SGCZ: variants seen among roughly 807,000 people sequenced by gnomAD.
The protein encoded by SGCZ is zeta-sarcoglycan.
SGCZ carries 40 observed loss-of-function variants against 41.3 expected under a neutral mutation model. The observed-to-expected ratio is 0.97, with a 90% CI of 0.75 to 1.26. The LOEUF (loss-of-function observed/expected upper bound fraction) is 1.26, where lower values mean the gene tolerates loss of function less well. Among genes scored for constraint, SGCZ ranks in the 50% most tolerant of loss-of-function variants. The pLI is 0.00. For synonymous variants in SGCZ, 206 were observed against 137.5 expected (o/e 1.50, Z -3.49); for missense variants, 552 against 369.8 (o/e 1.49, Z -4.04).
chr8:14,918,572 T>C (rs1011560221), intron 1 of SGCZ, among the ~76,000 whole-genome samples: 2 of 152,198 alleles, frequency 1.3e-5, no homozygotes, highest in Non-Finnish European at 1.5e-5. Flanking sequence ...AAACAAATGA[T>C]AATGCAGTAG....
chr8:14,907,165 T>A (rs888032985), intron 1 of SGCZ, among the ~76,000 whole-genome samples: 4 of 152,160 alleles, frequency 2.6e-5, no homozygotes, highest in Non-Finnish European at 4.4e-5. Flanking sequence ...AGTCTACTAT[T>A]TTTTCAATGG....
chr8:14,935,384 T>C (rs561699861), intron 1 of SGCZ, among the ~76,000 whole-genome samples: 48 of 151,390 alleles, frequency 3.2e-4, no homozygotes, highest in Non-Finnish European at 6.5e-4. Flanking sequence ...TACCTAAATT[T>C]ATTTATCCAT....
intron 1 of SGCZ, among the ~76,000 whole-genome samples, chr8:14,994,618 A>C (rs979608256): frequency 6.6e-6 from 1 of 151,672 alleles, no homozygotes; most frequent in Non-Finnish European, 1.5e-5. Context: ...AAGGGTAACC[A>C]TGAGGGATGG....
At chr8:14,485,852 T>TTTTTTTTA (rs1801657703) in intron 2 of SGCZ, among the ~76,000 whole-genome samples, 15 of 133,808 alleles carry the variant, frequency 1.1e-4, no homozygotes, top group South Asian at 4.7e-4. Flanking sequence ...TTTTTTTTTT[T>TTTTTTTTA]GAGACGGAGT....
chr8:14,442,222 T>C (rs1045894035), intron 2 of SGCZ, among the ~76,000 whole-genome samples: 11 of 152,184 alleles, frequency 7.2e-5, no homozygotes, highest in Non-Finnish European at 2.9e-5. Context: ...AGGTACCTGG[T>C]GGCAGGTAAT....
At chr8:15,013,455 G>C (rs1345639503) in intron 1 of SGCZ, among the ~76,000 whole-genome samples, 2 of 152,300 alleles carry the variant, frequency 1.3e-5, no homozygotes, top group East Asian at 1.9e-4. Flanking sequence ...GCCACAAATA[G>C]TTCCTCAAAG....
At chr8:14,510,919 T>A (rs1160198591) in intron 2 of SGCZ, among the ~76,000 whole-genome samples, 1 of 152,104 alleles carries the variant, frequency 6.6e-6, no homozygotes, top group African/African-American at 2.4e-5. Flanking sequence ...GATAGTGGCC[T>A]TCTCCCAGTT....
intron 1 of SGCZ, among the ~76,000 whole-genome samples, chr8:14,654,649 GA>G (rs938803908): frequency 6.6e-6 from 1 of 151,974 alleles, no homozygotes; most frequent in Non-Finnish European, 1.5e-5. Flanking sequence ...TCGGCTCACT[GA>G]AACTACTGCT....
intron 1 of SGCZ, among the ~76,000 whole-genome samples, chr8:14,972,513 T>C (rs913037780): frequency 6.6e-6 from 1 of 152,200 alleles, no homozygotes; most frequent in South Asian, 2.1e-4. Context: ...AATGTGACTA[T>C]TGATATGGTT....
Position 14,988,874 on chromosome 8 carries a change from G to A in SGCZ, c.39+248711C>T, listed in dbSNP as rs59091377. ...TCTGGATATTTAAAGTTGCCCCACT[G>A]GCCCTCTAACAAATGAATCAATAAC... On this transcript the variant is annotated intron_variant, in intron 1 of 7. Transcript: ENST00000382080. Among the ~76,000 whole-genome samples, 544 of 152,232 alleles carry A rather than the reference G, an allele frequency of 3.6e-3. 4 individuals carry two copies. The highest frequency in any genetic ancestry group is 0.012 in the African/African-American group (512 of 41,520).
chr8:14,114,661 G>A (rs916629256), intron 5 of SGCZ, among the ~76,000 whole-genome samples: 25 of 151,728 alleles, frequency 1.6e-4, no homozygotes, highest in African/African-American at 5.8e-4. Context: ...GTGATCAAAA[G>A]GAAAATGCAT....
chr8:14,374,266 C>T (rs964868186), intron 2 of SGCZ, among the ~76,000 whole-genome samples: 1 of 152,142 alleles, frequency 6.6e-6, no homozygotes, highest in African/African-American at 2.4e-5. Flanking sequence ...GTAGTCCCAA[C>T]TCTTCAGGAG....
chr8:14,206,183 T>G (rs1805609601), intron 4 of SGCZ, among the ~76,000 whole-genome samples: 1 of 152,150 alleles, frequency 6.6e-6, no homozygotes, highest in Non-Finnish European at 1.5e-5. Flanking sequence ...CATATCCTTA[T>G]AGTATGATCT....
intron 2 of SGCZ, among the ~76,000 whole-genome samples, chr8:14,435,989 T>G (rs1800079067): frequency 6.6e-6 from 1 of 152,094 alleles, no homozygotes; most frequent in Non-Finnish European, 1.5e-5. Context: ...ACCAGCTAGG[T>G]ATGGGGAAAC....
chr8:14,295,926 G>A (rs1011660568), intron 3 of SGCZ, among the ~76,000 whole-genome samples: 3 of 152,124 alleles, frequency 2.0e-5, no homozygotes, highest in Non-Finnish European at 4.4e-5. Context: ...ACATAAAGTA[G>A]CACATGCACA....
chr8:14,479,998 G>A (rs1209428248), intron 2 of SGCZ, among the ~76,000 whole-genome samples: 2 of 152,136 alleles, frequency 1.3e-5, no homozygotes, highest in African/African-American at 2.4e-5. Flanking sequence ...ACCCGCCTCG[G>A]CATCCCAAAG....
chr8:14,380,363 T>C (rs1804313800), intron 2 of SGCZ, among the ~76,000 whole-genome samples: 2 of 152,204 alleles, frequency 1.3e-5, no homozygotes, highest in Non-Finnish European at 2.9e-5. Context: ...TTTTCTAGTG[T>C]TGAATGTCAT....
At chr8:15,185,945 C>T (rs1171899526) in intron 1 of SGCZ, among the ~76,000 whole-genome samples, 4 of 150,952 alleles carry the variant, frequency 2.6e-5, no homozygotes, top group Admixed American at 6.6e-5. Context: ...TTTCTCTCGG[C>T]TGGGCGCGGT....
chr8:14,498,323 A>G (rs1802051705), intron 2 of SGCZ, among the ~76,000 whole-genome samples: 1 of 152,086 alleles, frequency 6.6e-6, no homozygotes, highest in South Asian at 2.1e-4. Context: ...TTAAAGTGTA[A>G]CAACACACCA....
Sources: allele counts gnomAD v4.1 joint callset (sites outside exome capture counted in the v4.1 genomes callset), GRCh38; gene constraint gnomAD v4.1.1; transcripts MANE v1.5; gene names NCBI Gene and HGNC (gene_info 2026-07-23, HGNC 2026-07-21).